The following RGS6 variants were observed in gnomAD, a reference collection of about 807,000 sequenced individuals.
RGS6 encodes regulator of G protein signaling 6.
A neutral mutation model predicts 78.5 loss-of-function variants in RGS6; 30 were observed. The ratio of observed to expected loss-of-function variants is 0.38; its 90% CI spans 0.29 to 0.52. The LOEUF (loss-of-function observed/expected upper bound fraction) is 0.52. Among genes scored for constraint, RGS6 ranks in the 20% least tolerant of loss-of-function variants. The pLI is 0.85. For missense variants in RGS6, 495 were observed against 609.7 expected (o/e 0.81, Z 1.98); for synonymous variants, 206 against 206.0 (o/e 1.00, Z 0.00).
At chr14:72,199,310 G>A (rs1471166123) in intron 2 of RGS6, among the ~76,000 whole-genome samples, 2 of 152,164 alleles carry the variant, frequency 1.3e-5, no homozygotes, top group Non-Finnish European at 2.9e-5. Context: ...TACTGGCTTC[G>A]TATTTAGTTT....
intron 3 of RGS6, among the ~76,000 whole-genome samples, chr14:72,409,738 G>C (rs533692333): frequency 1.3e-3 from 193 of 151,832 alleles, no homozygotes; most frequent in Non-Finnish European, 2.2e-3. Context: ...AACAGTCCTC[G>C]GTGTGTGATG....
intron 2 of RGS6, among the ~76,000 whole-genome samples, chr14:72,020,100 G>GTACA (rs1478022991): frequency 6.6e-6 from 1 of 152,204 alleles, no homozygotes; most frequent in African/African-American, 2.4e-5. Flanking sequence ...TTTTCTCAGT[G>GTACA]TACAGTAGGC....
intron 2 of RGS6, among the ~76,000 whole-genome samples, chr14:72,152,040 G>C (rs1181962223): frequency 6.6e-6 from 1 of 152,032 alleles, no homozygotes; most frequent in African/African-American, 2.4e-5. Flanking sequence ...CATCAAATGG[G>C]GATAATATGC....
chr14:71,955,118 T>TC (rs936756837), intron 1 of RGS6, among the ~76,000 whole-genome samples: 5 of 152,090 alleles, frequency 3.3e-5, no homozygotes, highest in Admixed American at 3.3e-4. Flanking sequence ...AGGCTTCAAA[T>TC]CCCCCCAAGG....
the RGS6 span, among the ~76,000 whole-genome samples, chr14:71,896,625 C>T: frequency 1.3e-5 from 2 of 152,288 alleles, no homozygotes; most frequent in East Asian, 3.9e-4. Context: ...CCTCATTTTA[C>T]CCAGCCCCTA....
the RGS6 span, among the ~76,000 whole-genome samples, chr14:72,603,476 G>A: frequency 2.6e-5 from 4 of 152,168 alleles, no homozygotes; most frequent in Non-Finnish European, 5.9e-5. Flanking sequence ...CCACACCACT[G>A]GATTTCCTCT....
intron 12 of RGS6, among the ~76,000 whole-genome samples, chr14:72,493,729 A>G (rs968507857): frequency 3.9e-5 from 6 of 152,180 alleles, no homozygotes; most frequent in Admixed American, 2.0e-4. Context: ...ACGAGAATCA[A>G]AATGGATCCA....
At chr14:72,184,578 C>A (rs564555913) in intron 2 of RGS6, among the ~76,000 whole-genome samples, 10 of 152,236 alleles carry the variant, frequency 6.6e-5, no homozygotes, top group Admixed American at 2.6e-4. Flanking sequence ...TGTTTTTAAA[C>A]CTATCACAGA....
chr14:72,541,813 G>A (rs775969722), intron 17 of RGS6, among the ~76,000 whole-genome samples: 4 of 152,202 alleles, frequency 2.6e-5, no homozygotes, highest in African/African-American at 7.2e-5. Context: ...TGGACAAAAC[G>A]TCCAGACATT....
At chr14:71,946,884 TA>T (rs1385673610) in intron 1 of RGS6, among the ~76,000 whole-genome samples, 1 of 152,162 alleles carries the variant, frequency 6.6e-6, no homozygotes, top group African/African-American at 2.4e-5. Flanking sequence ...AAAACAAGGA[TA>T]GGGGAAACCT....
At chr14:72,414,188 T>A (rs4597249) in intron 3 of RGS6, among the ~76,000 whole-genome samples, 1 of 152,192 alleles carries the variant, frequency 6.6e-6, no homozygotes, top group African/African-American at 2.4e-5. Flanking sequence ...CCATTCTCCC[T>A]GTCACTTTCA....
rs552717614 is a variant in RGS6, at chr14:72,183,352, A to C, written c.85-168743A>C. ...ATTCACAGTCATATATCTCTCCTGC[A>C]TGTAGATCCAAGACCCAGTGTAGCC... On this transcript the variant is annotated intron_variant, in intron 2 of 17. Coordinates refer to ENST00000553525, the MANE Select transcript of RGS6 (RefSeq NM_001204424.2). Among the ~76,000 whole-genome samples the C allele has an allele frequency of 5.9e-5, 9 of 152,346 alleles. No homozygotes were observed. The South Asian group carries it at 1.9e-3, about 32-fold the overall frequency.
intron 2 of RGS6, among the ~76,000 whole-genome samples, chr14:72,107,636 A>G (rs940727773): frequency 1.3e-5 from 2 of 152,154 alleles, no homozygotes; most frequent in Admixed American, 1.3e-4. Context: ...TTCTATACCT[A>G]TACATAGATG....
intron 17 of RGS6, among the ~76,000 whole-genome samples, chr14:72,557,140 G>A (rs2097590253): frequency 1.3e-5 from 2 of 152,184 alleles, no homozygotes; most frequent in South Asian, 4.1e-4. Context: ...AACCATAACG[G>A]GTTCCATAGC....
rs112432449 is a variant in RGS6, at chr14:72,030,579, A to C, written c.84+65704A>C. Among the ~76,000 whole-genome samples the C allele has an allele frequency of 9.1e-3, 1,279 of 141,198 alleles. 19 individuals carry two copies. Among genetic ancestry groups the C allele is most frequent in the African/African-American group, 0.034 (1,211 of 35,820 alleles). 92.6% of individuals were successfully genotyped at this position (141,198 alleles called of 152,430 possible). On this transcript the variant is annotated intron_variant, in intron 2 of 17. Coordinates refer to ENST00000553525, the MANE Select transcript of RGS6 (RefSeq NM_001204424.2). The stretch of plus-strand genomic sequence containing the variant: ...AGATGATCAAATTATAAATTACTAG[A>C]AAGATTTCATAATTGTTAAGGTGTA...
intron 3 of RGS6, among the ~76,000 whole-genome samples, chr14:72,355,863 G>T (rs1044637943): frequency 6.6e-6 from 1 of 152,136 alleles, no homozygotes; most frequent in East Asian, 1.9e-4. Flanking sequence ...AGTGCCCAAG[G>T]CAAGAGAGTT....
chr14:71,898,118 C>A, the RGS6 span, among the ~76,000 whole-genome samples: 3 of 151,758 alleles, frequency 2.0e-5, no homozygotes, highest in Non-Finnish European at 2.9e-5. Context: ...ACCTCACATA[C>A]TTTTATTGTG....
At chr14:72,147,913 C>G (rs759996649) in intron 2 of RGS6, among the ~76,000 whole-genome samples, 4 of 152,028 alleles carry the variant, frequency 2.6e-5, no homozygotes, top group Non-Finnish European at 5.9e-5. Flanking sequence ...GGGCAGATCA[C>G]GAAGTCAGGA....
the RGS6 span, among the ~76,000 whole-genome samples, chr14:72,574,136 A>AG: frequency 7.2e-4 from 110 of 152,342 alleles, no homozygotes; most frequent in African/African-American, 2.5e-3. Flanking sequence ...TCAGGCACAA[A>AG]GCAGAGGTGA....
Sources: allele counts gnomAD v4.1 joint callset (sites outside exome capture counted in the v4.1 genomes callset), GRCh38; gene constraint gnomAD v4.1.1; transcripts MANE v1.5; gene names NCBI Gene and HGNC (gene_info 2026-07-23, HGNC 2026-07-21).